The following TBC1D4 variants were observed in gnomAD, a reference collection of about 807,000 sequenced individuals.
TBC1D4 encodes the protein TBC1 domain family member 4.
In TBC1D4, 121 loss-of-function variants were observed where a neutral mutation model predicts 142.5. The observed-to-expected ratio is 0.85, with a 90% CI of 0.73 to 0.99. The LOEUF is 0.99. Ranked by LOEUF, TBC1D4 falls within the 50% of genes least tolerant of loss-of-function variation. TBC1D4 has a pLI of 0.00. For missense variants in TBC1D4, 1,475 were observed against 1,606.6 expected (o/e 0.92, Z 1.40); for synonymous variants, 630 against 628.2 (o/e 1.00, Z -0.04).
At chr13:75,386,376 T>C (rs987664686) in intron 1 of TBC1D4, among the ~76,000 whole-genome samples, 4 of 85,756 alleles carry the variant, frequency 4.7e-5, no homozygotes, top group African/African-American at 1.1e-4. Flanking sequence ...AGATTTGCTA[T>C]TTTCTTTTTC....
intron 1 of TBC1D4, among the ~76,000 whole-genome samples, chr13:75,475,058 G>A (rs1469407254): frequency 6.6e-6 from 1 of 152,234 alleles, no homozygotes; most frequent in Non-Finnish European, 1.5e-5. Flanking sequence ...AGTGAGAGTA[G>A]TGCTATCACC....
chr13:75,423,211 T>C (rs575222595), intron 1 of TBC1D4, among the ~76,000 whole-genome samples: 2 of 152,186 alleles, frequency 1.3e-5, no homozygotes, highest in Non-Finnish European at 2.9e-5. Context: ...TATATCTGCA[T>C]TAATTTTTAA....
chr13:75,312,999 G>C, intron 12 of TBC1D4, 101 bp from the exon 13 acceptor site: 1 of 1,304,956 alleles, frequency 7.7e-7, no homozygotes, highest in East Asian at 2.5e-5. Flanking sequence ...TCTGTCACGG[G>C]CAAGCACAAG....
chr13:75,287,152 C>T (rs1874770267), intron 20 of TBC1D4, 127 bp from the exon 21 acceptor site: 2 of 810,034 alleles, frequency 2.5e-6, no homozygotes, highest in African/African-American at 3.5e-5. Flanking sequence ...ACTCTGAAAA[C>T]CTACAGGAAA....
rs2297207 is a variant in TBC1D4 at position 75,299,651 on chromosome 13, G to A, written c.2912-77C>T. 0.53 allele frequency: 818,116 copies of A among 1,547,502 alleles called. 222,233 individuals are homozygous for A. Among genetic ancestry groups the A allele is most frequent in the Non-Finnish European group, 0.56 (633,633 of 1,132,338 alleles). On this transcript the variant is annotated intron_variant, in intron 16 of 20. Transcript: ENST00000377636. The stretch of plus-strand genomic sequence containing the variant: ...GACAACAGTGAAATTGCAATTCAGT[G>A]ACCTCCAAGAATAAACAGACACTCT...
At chr13:75,310,265 G>A (rs759948069) in intron 13 of TBC1D4, 114 bp from the exon 14 acceptor site, 45 of 1,067,126 alleles carry the variant, frequency 4.2e-5, no homozygotes, top group Non-Finnish European at 5.5e-5. Context: ...TCACAAAGCC[G>A]CTTTCCCTGT....
At chr13:75,415,237 G>A (rs1012219194) in intron 1 of TBC1D4, among the ~76,000 whole-genome samples, 4 of 152,040 alleles carry the variant, frequency 2.6e-5, no homozygotes, top group African/African-American at 9.7e-5. Flanking sequence ...AAGAAGAATT[G>A]GTTTTAGACA....
intron 1 of TBC1D4, among the ~76,000 whole-genome samples, chr13:75,447,904 G>C (rs779521176): frequency 8.6e-4 from 130 of 151,948 alleles, no homozygotes; most frequent in Non-Finnish European, 1.5e-3. Flanking sequence ...CTGTCTAGTT[G>C]CAAAAAAACC....
Position 75,362,386 on chromosome 13 carries a change from T to C in TBC1D4, c.720A>G (p.Gln240=). ...SLHEQQRLKI[Q]GEQRGPDPGE... ...CTGGGTCCGGACCGCGCTGCTCCCCTTGGATCTTCAGGCGCTGCTGTTCGT... is the reference window on the plus strand; with the variant it reads ...CTGGGTCCGGACCGCGCTGCTCCCCCTGGATCTTCAGGCGCTGCTGTTCGT... Residue 240 remains glutamine, a synonymous_variant, in exon 2 of 21, where the codon CAA becomes CAG. Transcript: ENST00000377636. The surrounding 1 kb of genome is among the most constrained non-coding windows in gnomAD (Gnocchi z 4.2). The C allele has an allele frequency of 6.2e-7, 1 of 1,614,232 alleles. No individual in the cohort carries two copies. The highest frequency in any genetic ancestry group is 8.5e-7 in the Non-Finnish European group (1 of 1,180,038).
At chr13:75,438,093 A>G (rs1886872864) in intron 1 of TBC1D4, among the ~76,000 whole-genome samples, 1 of 152,230 alleles carries the variant, frequency 6.6e-6, no homozygotes, top group African/African-American at 2.4e-5. Context: ...TCATTCTGCT[A>G]TATCCAATAA....
At chr13:75,468,197 G>C (rs1888248021) in intron 1 of TBC1D4, among the ~76,000 whole-genome samples, 1 of 152,178 alleles carries the variant, frequency 6.6e-6, no homozygotes, top group Non-Finnish European at 1.5e-5. Flanking sequence ...TTACGGAAGA[G>C]TGGGGTCCAG....
intron 5 of TBC1D4, among the ~76,000 whole-genome samples, chr13:75,348,954 A>AGAGT (rs969343152): frequency 4.7e-4 from 65 of 139,166 alleles, no homozygotes; most frequent in Non-Finnish European, 6.2e-4. Flanking sequence ...AGAGAGAGAG[A>AGAGT]GTGTGTGTGT....
At chr13:75,288,814 T>A (rs565780394) in intron 20 of TBC1D4, 120 bp downstream of exon 20, 1 of 1,075,062 alleles carries the variant, frequency 9.3e-7, no homozygotes, top group East Asian at 2.4e-5. Context: ...GACAGTCTGA[T>A]ACATGGGCTC....
intron 1 of TBC1D4, among the ~76,000 whole-genome samples, chr13:75,419,228 T>C (rs1886056913): frequency 6.6e-6 from 1 of 152,246 alleles, no homozygotes; most frequent in Non-Finnish European, 1.5e-5. Context: ...GTTATTTTGC[T>C]GGTCAAGCTC....
intron 1 of TBC1D4, among the ~76,000 whole-genome samples, chr13:75,451,971 T>C (rs1416706975): frequency 6.6e-6 from 1 of 152,058 alleles, no homozygotes; most frequent in African/African-American, 2.4e-5. Context: ...TTTGATGACA[T>C]CTGTAAATTA....
At chr13:75,418,384 G>T (rs1886012074) in intron 1 of TBC1D4, among the ~76,000 whole-genome samples, 1 of 152,148 alleles carries the variant, frequency 6.6e-6, no homozygotes, top group Non-Finnish European at 1.5e-5. Flanking sequence ...ATGGATCTGG[G>T]ACAGTTACAC....
chr13:75,448,188 T>A (rs539421205), intron 1 of TBC1D4, among the ~76,000 whole-genome samples: 11 of 152,256 alleles, frequency 7.2e-5, no homozygotes, highest in African/African-American at 2.6e-4. Flanking sequence ...TTGGAGTAAA[T>A]GCTTAATAAA....
At chr13:75,468,889 G>C (rs1281202563) in intron 1 of TBC1D4, among the ~76,000 whole-genome samples, 1 of 152,150 alleles carries the variant, frequency 6.6e-6, no homozygotes, top group Non-Finnish European at 1.5e-5. Context: ...GTAAGATCTC[G>C]CTCAGTGTGA....
chr13:75,397,981 A>G (rs1377793312), intron 1 of TBC1D4, among the ~76,000 whole-genome samples: 2 of 152,190 alleles, frequency 1.3e-5, no homozygotes, highest in African/African-American at 2.4e-5. Context: ...AGCTATAACA[A>G]AAGTCATGAC....
Sources: gnomAD v4.1 joint callset for allele counts (sites outside exome capture counted in the v4.1 genomes callset) on GRCh38, gnomAD v4.1.1 for gene constraint, Gnocchi (gnomAD v3.1) non-coding constraint, MANE v1.5 for transcripts, NCBI Gene and HGNC (gene_info 2026-07-23, HGNC 2026-07-21) for gene names.